Variants in PCDHA8 observed in about 807,000 individuals in gnomAD.
The protein encoded by PCDHA8 is protocadherin alpha-8.
PCDHA8 carries 53 observed loss-of-function variants against 61.8 expected under a neutral mutation model. The ratio of observed to expected loss-of-function variants is 0.86; its 90% CI spans 0.69 to 1.08. The LOEUF is 1.08. PCDHA8 is among the 50% of genes least tolerant of loss of function. The probability of loss-of-function intolerance (pLI) is 0.00; values close to 1 mark genes in which losing one functional copy is unlikely to be tolerated. For synonymous variants in PCDHA8, 618 were observed against 556.6 expected (o/e 1.11, Z -1.55); for missense variants, 1,293 against 1,245.0 (o/e 1.04, Z -0.58).
intron 1 of PCDHA8, among the ~76,000 whole-genome samples, chr5:140,941,192 TTTCTTTCTTCC>T (rs1330855559): frequency 1.0e-5 from 1 of 99,660 alleles, no homozygotes; most frequent in Non-Finnish European, 2.1e-5. Flanking sequence ...CTTCTTTTTT[TTTCTTTCTTCC>T]TTTCTTTCTT....
chr5:140,931,161 C>G (rs1214685588), intron 1 of PCDHA8, among the ~76,000 whole-genome samples: 5 of 152,132 alleles, frequency 3.3e-5, no homozygotes, highest in African/African-American at 1.2e-4. Flanking sequence ...AATAGAATCT[C>G]AGTTAATTTT....
chr5:141,005,339 T>C (rs920058303), intron 3 of PCDHA8, among the ~76,000 whole-genome samples: 5 of 151,926 alleles, frequency 3.3e-5, no homozygotes, highest in African/African-American at 9.7e-5. Context: ...GCCAAGGGGG[T>C]GCTGCTTGGC....
intron 1 of PCDHA8, among the ~76,000 whole-genome samples, chr5:140,965,879 G>A (rs920261632): frequency 6.6e-6 from 1 of 152,216 alleles, no homozygotes; most frequent in Non-Finnish European, 1.5e-5. Flanking sequence ...ACTTGGCCGA[G>A]AGCAGAATTG....
At chr5:140,995,491 AG>A (rs1467871177) in intron 3 of PCDHA8, among the ~76,000 whole-genome samples, 5 of 152,224 alleles carry the variant, frequency 3.3e-5, no homozygotes, top group Non-Finnish European at 5.9e-5. Context: ...TTTCAGACTA[AG>A]GTTGACTGTG....
chr5:140,843,225 G>T lies in PCDHA8; in HGVS notation c.1904G>T (p.Arg635Leu). The T allele has an allele frequency of 6.3e-7, 1 of 1,596,120 alleles. No individual in the cohort carries two copies. Among genetic ancestry groups the T allele is most frequent in the East Asian group, 2.2e-5 (1 of 44,808 alleles). ...GLYTGEISTT[R>L]VLDEADSPRH... ...TACACGGGCGAGATCAGCACCACTCGTGTCCTGGACGAAGCGGACTCTCCG... is the reference window on the plus strand; with the variant it reads ...TACACGGGCGAGATCAGCACCACTCTTGTCCTGGACGAAGCGGACTCTCCG... The change falls in exon 1 of 4, where the codon CGT becomes CTT. Residue 635 changes from arginine to leucine, a missense_variant. By Grantham distance (102) the Arg-to-Leu change is moderately radical. Transcript: ENST00000531613.
Position 141,009,631 on chromosome 5 carries a change from A to G in PCDHA8, c.2547A>G (p.Pro849=). 6.2e-7 allele frequency: 1 copy of G among 1,613,068 alleles called. No individual in the cohort carries two copies. The highest frequency in any genetic ancestry group is 8.5e-7 in the Non-Finnish European group (1 of 1,179,354). The change falls in exon 4 of 4, where the codon CCA becomes CCG. Residue 849 remains proline (P), a synonymous_variant. Transcript: ENST00000531613. ...WPTVSSATPE[P]EAGEVSPPVG... is the part of the protein sequence containing the mutation. ...TTGTAATGTTTTGTCTTTCAGAACC[A>G]GAGGCAGGAGAAGTGTCCCCTCCAG...
intron 1 of PCDHA8, among the ~76,000 whole-genome samples, chr5:140,964,595 T>G (rs1233382494): frequency 6.6e-6 from 1 of 152,116 alleles, no homozygotes; most frequent in East Asian, 1.9e-4. Context: ...TCACTTTTCA[T>G]GACAACTTAC....
chr5:140,930,196 T>C (rs1554207641), intron 1 of PCDHA8: 1 of 152,226 alleles, frequency 6.6e-6, no homozygotes, highest in South Asian at 2.1e-4. Flanking sequence ...AATTTTTATG[T>C]CAGAAATATT....
rs370640529 is a variant in PCDHA8, at chr5:140,968,552, C to G, written c.2395-10397C>G. 5 of 1,614,184 alleles carry G rather than the reference C, an allele frequency of 3.1e-6. No homozygotes were observed. The East Asian group carries it at 1.1e-4, about 36-fold the overall frequency. ...GTCAGCAGCCTTCGAGATGGTGCCT[C>G]GAACTGCCCCTGCTGGCTACCTGGT... On this transcript the variant is annotated intron_variant, in intron 1 of 3. Coordinates refer to ENST00000531613, the MANE Select transcript of PCDHA8 (RefSeq NM_018911.3).
At chr5:140,922,980 A>G (rs2081098580) in intron 1 of PCDHA8, among the ~76,000 whole-genome samples, 1 of 152,244 alleles carries the variant, frequency 6.6e-6, no homozygotes, top group African/African-American at 2.4e-5. Flanking sequence ...TATCTCAGAC[A>G]ATAGGCAAGC....
chr5:140,924,978 T>A (rs2082232142), intron 1 of PCDHA8, among the ~76,000 whole-genome samples: 1 of 151,330 alleles, frequency 6.6e-6, no homozygotes, highest in Non-Finnish European at 1.5e-5. Flanking sequence ...CAGTGGCTCA[T>A]GTCTGTAATC....
At chr5:140,967,815 A>G in intron 1 of PCDHA8, 1 of 1,614,180 alleles carries the variant, frequency 6.2e-7, no homozygotes. Context: ...GGTCACTGCA[A>G]GGTGCTGGTG....
intron 1 of PCDHA8, chr5:140,857,918 G>T (rs1243844248): frequency 6.3e-7 from 1 of 1,597,708 alleles, no homozygotes; most frequent in Non-Finnish European, 8.6e-7. Context: ...GTTTCGCGTG[G>T]GGCTGTACAC....
At chr5:140,880,693 T>C (rs2058435381) in intron 1 of PCDHA8, among the ~76,000 whole-genome samples, 1 of 152,222 alleles carries the variant, frequency 6.6e-6, no homozygotes. Context: ...TAGTCATGGT[T>C]AAGTGACAAT....
chr5:140,870,016 G>A (rs1554163708), intron 1 of PCDHA8: 1 of 1,613,448 alleles, frequency 6.2e-7, no homozygotes, highest in Non-Finnish European at 8.5e-7. Flanking sequence ...GAGGGTCAAT[G>A]GAACTTTAGA....
Position 140,875,692 on chromosome 5 carries a change from C to G in PCDHA8, c.2394+31977C>G, listed in dbSNP as rs781893034. On this transcript the variant is annotated intron_variant, in intron 1 of 3. Coordinates refer to ENST00000531613, the MANE Select transcript of PCDHA8 (RefSeq NM_018911.3). ...GGTGGCGTCCAAAAGACACGGGGAC[C>G]TTCTGGAGGTAAATCTGCAGAATGG... The G allele has an allele frequency of 3.7e-6, 6 of 1,613,938 alleles. No individual in the cohort carries two copies. In the African/African-American group the frequency reaches 5.3e-5, roughly 14 times the overall value.
At chr5:140,968,170 C>G in intron 1 of PCDHA8, 1 of 1,614,132 alleles carries the variant, frequency 6.2e-7, no homozygotes, top group Middle Eastern at 1.6e-4. Context: ...ATCCACCAAG[C>G]TTCCTGGAGG....
At chr5:140,928,235 C>T (rs1455319165) in intron 1 of PCDHA8, 9 of 1,614,090 alleles carry the variant, frequency 5.6e-6, no homozygotes, top group African/African-American at 1.3e-5. Context: ...TTTCCTCAAC[C>T]CCAGCAGGAA....
rs2150466596 is a variant in PCDHA8 at position 140,850,091 on chromosome 5, G to A, written c.2394+6376G>A. 5 of 1,596,604 alleles carry A rather than the reference G, an allele frequency of 3.1e-6. No individual in the cohort carries two copies. In the African/African-American group the frequency reaches 5.4e-5, roughly 17 times the overall value. On this transcript the variant is annotated intron_variant, in intron 1 of 3. Coordinates refer to ENST00000531613, the MANE Select transcript of PCDHA8 (RefSeq NM_018911.3). ...ACCACGAGGAGCTGGAGCTGCTACA[G>A]TTCCAGGTGAGCGCGCGCGACGCGG...
Sources: allele counts gnomAD v4.1 joint callset (sites outside exome capture counted in the v4.1 genomes callset), GRCh38; gene constraint gnomAD v4.1.1; transcripts MANE v1.5; gene names NCBI Gene and HGNC (gene_info 2026-07-23, HGNC 2026-07-21).